Variants in PIAS1 observed in about 807,000 individuals in gnomAD.
PIAS1 encodes the protein E3 SUMO-protein ligase PIAS1.
A neutral mutation model predicts 71.3 loss-of-function variants in PIAS1; 6 were observed. The ratio of observed to expected loss-of-function variants is 0.08; its 90% CI spans 0.05 to 0.17. PIAS1 has a LOEUF of 0.17. Ranked by LOEUF, PIAS1 falls within the 10% of genes least tolerant of loss-of-function variation. The probability of loss-of-function intolerance (pLI) is 1.00; values close to 1 mark genes in which losing one functional copy is unlikely to be tolerated. For synonymous variants in PIAS1, 303 were observed against 292.9 expected (o/e 1.03, Z -0.35); for missense variants, 555 against 793.6 (o/e 0.70, Z 3.61).
intron 1 of PIAS1, among the ~76,000 whole-genome samples, chr15:68,057,272 G>T (rs915666756): frequency 4.6e-5 from 7 of 152,060 alleles, no homozygotes; most frequent in African/African-American, 1.7e-4. Context: ...TTTCATTAGG[G>T]GAGTACCCAT....
chr15:68,171,229 G>A lies in PIAS1; in HGVS notation c.1009-2503G>A, dbSNP rs1361048611. Among the ~76,000 whole-genome samples the A allele has an allele frequency of 1.3e-5, 2 of 152,082 alleles. No individual in the cohort carries two copies. Among genetic ancestry groups the A allele is most frequent in the Non-Finnish European group, 2.9e-5 (2 of 68,026 alleles). ...TTCCACCTCCACATCTTTTCCCACT[G>A]GAACGTCTTCAGTGGCAGTAACAGA... On this transcript the variant is annotated intron_variant, in intron 8 of 13. Transcript: ENST00000249636. The surrounding 1 kb of genome is among the most constrained non-coding windows in gnomAD (Gnocchi z 4.4).
chr15:68,098,478 A>G (rs1474551847), intron 2 of PIAS1, among the ~76,000 whole-genome samples: 2 of 152,200 alleles, frequency 1.3e-5, no homozygotes, highest in Non-Finnish European at 2.9e-5. Flanking sequence ...TCTGTGTATA[A>G]ATGGACCCAC....
intron 8 of PIAS1, among the ~76,000 whole-genome samples, chr15:68,172,814 AT>A (rs1386497646): frequency 6.6e-6 from 1 of 152,182 alleles, no homozygotes; most frequent in Non-Finnish European, 1.5e-5. Context: ...GATGAAGCAG[AT>A]TTCCTCTTCC....
chr15:68,188,731 T>C lies in PIAS1; in HGVS notation c.*896T>C, dbSNP rs2093103716. The C allele has an allele frequency of 6.6e-6, 1 of 152,224 alleles. No homozygotes were observed. The highest frequency in any genetic ancestry group is 1.5e-5 in the Non-Finnish European group (1 of 68,040). The allele number at this position is 152,224 out of a possible 1,614,324, so 9.4% of individuals were successfully genotyped here. ...CTAGTTCTTTATTCTAAATCTGGAT[T>C]GCCAGTATTGTGTATTTAAACCAAG... is the stretch of plus-strand genomic sequence containing the variant. On this transcript the variant is annotated 3_prime_UTR_variant, in exon 14 of 14. Coordinates refer to ENST00000249636, the MANE Select transcript of PIAS1 (RefSeq NM_016166.3).
chr15:68,124,913 A>G (rs537352628), intron 2 of PIAS1, among the ~76,000 whole-genome samples: 1 of 152,254 alleles, frequency 6.6e-6, no homozygotes, highest in African/African-American at 2.4e-5. Flanking sequence ...AAATTGTTGC[A>G]TTTTCAGTTT....
At chr15:68,087,928 C>A in intron 2 of PIAS1, 2 of 295,948 alleles carry the variant, frequency 6.8e-6, no homozygotes, top group South Asian at 2.8e-5. Flanking sequence ...TTTTAAGTGG[C>A]CATAATAAGA....
rs2141108806 is a variant in PIAS1 at position 68,186,207 on chromosome 15, A to G, written c.1663-1335A>G. ...AGCAAATGACAGCTCCATGCATGCTATTTTCCCTGAAGACCATGCAGTGGG... is the reference window on the plus strand; with the variant it reads ...AGCAAATGACAGCTCCATGCATGCTGTTTTCCCTGAAGACCATGCAGTGGG... On this transcript the variant is annotated intron_variant, in intron 13 of 13. Coordinates refer to ENST00000249636, the MANE Select transcript of PIAS1 (RefSeq NM_016166.3). This position sits in a 1 kb window ranked among gnomAD's most constrained non-coding sequence, Gnocchi z 4.4. Among the ~76,000 whole-genome samples, 1 of 152,236 alleles carries G rather than the reference A, an allele frequency of 6.6e-6. No homozygotes were observed. The highest frequency in any genetic ancestry group is 6.5e-5 in the Admixed American group (1 of 15,296).
intron 1 of PIAS1, among the ~76,000 whole-genome samples, chr15:68,058,882 G>A (rs911366250): frequency 6.0e-5 from 9 of 150,258 alleles, no homozygotes; most frequent in African/African-American, 2.2e-4. Flanking sequence ...ATACAACACT[G>A]TTTTTTATTT....
At chr15:68,139,925 G>A (rs879827244) in intron 2 of PIAS1, among the ~76,000 whole-genome samples, 6 of 151,904 alleles carry the variant, frequency 3.9e-5, no homozygotes, top group East Asian at 3.9e-4. Context: ...TTTTTTGAAA[G>A]GGCTAATGGT....
intron 1 of PIAS1, among the ~76,000 whole-genome samples, chr15:68,073,307 G>A (rs770897369): frequency 4.6e-5 from 7 of 152,126 alleles, no homozygotes; most frequent in Admixed American, 1.3e-4. Context: ...GTGAGCCACC[G>A]TGCCCGGCGA....
chr15:68,119,237 C>CAAA (rs60879036), intron 2 of PIAS1, among the ~76,000 whole-genome samples: 1,127 of 27,380 alleles, frequency 0.041, 435 homozygotes, highest in African/African-American at 0.11. Flanking sequence ...CCATCTCTAC[C>CAAA]AAAAAAAAAA....
intron 1 of PIAS1, among the ~76,000 whole-genome samples, chr15:68,059,705 C>G (rs1239708350): frequency 1.7e-5 from 1 of 58,668 alleles, no homozygotes; most frequent in Non-Finnish European, 3.3e-5. Context: ...GATTCCGTCT[C>G]AAACAAAAAA....
chr15:68,147,250 G>T (rs778271400), intron 6 of PIAS1, among the ~76,000 whole-genome samples: 1 of 152,086 alleles, frequency 6.6e-6, no homozygotes, highest in African/African-American at 2.4e-5. Flanking sequence ...TGTTATTTGC[G>T]TGCTCGTTAA....
At chr15:68,059,727 AAAAG>A (rs1280343209) in intron 1 of PIAS1, among the ~76,000 whole-genome samples, 13 of 151,762 alleles carry the variant, frequency 8.6e-5, no homozygotes, top group Non-Finnish European at 1.2e-4. Context: ...AAAAAAAAAA[AAAAG>A]AAAGCAATAC....
chr15:68,164,605 A>G (rs1567071737), intron 7 of PIAS1, 126 bp from the exon 8 acceptor site: 1 of 502,038 alleles, frequency 2.0e-6, no homozygotes, highest in Non-Finnish European at 3.5e-6. Flanking sequence ...TTATCTTTCC[A>G]TTCAATTGAT....
Position 68,112,185 on chromosome 15 carries a change from G to A in PIAS1, c.469+25435G>A, listed in dbSNP as rs1595733930. On this transcript the variant is annotated intron_variant, in intron 2 of 13. Transcript: ENST00000249636. ...GTGAATGCTCTGGTATCTGTACTGA[G>A]ACCAGATTCTACACTTGCACATTAG... 2.0e-5 allele frequency among the ~76,000 whole-genome samples: 3 copies of A among 152,026 alleles called. No homozygotes were observed. The East Asian group carries it at 5.8e-4, about 29-fold the overall frequency.
chr15:68,108,627 A>T (rs190828114), intron 2 of PIAS1, among the ~76,000 whole-genome samples: 120 of 152,284 alleles, frequency 7.9e-4, no homozygotes, highest in African/African-American at 2.8e-3. Context: ...CCATTCATAT[A>T]GCTATCTCAC....
chr15:68,169,885 A>G (rs1232243237), intron 8 of PIAS1, among the ~76,000 whole-genome samples: 9 of 152,148 alleles, frequency 5.9e-5, no homozygotes, highest in Admixed American at 5.9e-4. Context: ...CCCATTTTAC[A>G]AAACTGAGCC....
intron 8 of PIAS1, among the ~76,000 whole-genome samples, chr15:68,166,921 G>C (rs996103514): frequency 2.6e-5 from 4 of 152,150 alleles, no homozygotes; most frequent in African/African-American, 9.7e-5. Context: ...CACCTCCCAG[G>C]TTCATGCAGT....
Sources: allele counts gnomAD v4.1 joint callset (sites outside exome capture counted in the v4.1 genomes callset), GRCh38; gene constraint gnomAD v4.1.1; non-coding constraint Gnocchi (gnomAD v3.1); transcripts MANE v1.5; gene names NCBI Gene and HGNC (gene_info 2026-07-23, HGNC 2026-07-21).